Variants in C17orf78 observed in about 807,000 individuals in gnomAD.
C17orf78 encodes the protein uncharacterized protein C17orf78.
Under a neutral mutation model 31.8 loss-of-function variants are expected in C17orf78, and 27 were observed. That is an observed-to-expected ratio of 0.85 (90% CI 0.63 to 1.17). C17orf78 has a LOEUF of 1.17. Among genes scored for constraint, C17orf78 ranks in the 50% most tolerant of loss-of-function variants. The pLI, the probability that C17orf78 is intolerant of heterozygous loss-of-function variation, is 0.00. For missense variants in C17orf78, 258 were observed against 315.2 expected, an observed-to-expected ratio of 0.82 and a Z score of 1.37; for synonymous variants, 106 against 115.1, an observed-to-expected ratio of 0.92 and a Z score of 0.51.
Position 37,391,769 on chromosome 17 carries a change from T to C in C17orf78, c.*45T>C. The C allele has an allele frequency of 6.5e-7, 1 of 1,532,510 alleles. No homozygotes were observed. The highest frequency in any genetic ancestry group is 9.0e-7 in the Non-Finnish European group (1 of 1,107,776). 94.9% of individuals were successfully genotyped at this position (1,532,510 alleles called of 1,614,324 possible). On this transcript the variant is annotated 3_prime_UTR_variant, in exon 7 of 7. Coordinates refer to ENST00000615133, the MANE Select transcript of C17orf78 (RefSeq NM_173625.5). ...AAGACTGAATGATACTACACAGTCC[T>C]CTCCCTATTAATATGGGCACATTCT... is the stretch of plus-strand genomic sequence containing the variant.
chr17:37,389,233 T>G lies in C17orf78; in HGVS notation c.634-13T>G. ...GCCACTTCATATTAATACCAGTCATTTTCTCCCTTCAGTATCAATGCCTAG... is the reference window on the plus strand; with the variant it reads ...GCCACTTCATATTAATACCAGTCATGTTCTCCCTTCAGTATCAATGCCTAG... On this transcript the variant is annotated splice_polypyrimidine_tract_variant and intron_variant, in intron 5 of 6. Transcript: ENST00000615133. 6.4e-7 allele frequency: 1 copy of G among 1,567,930 alleles called. No individual in the cohort carries two copies. The highest frequency in any genetic ancestry group is 1.7e-4 in the Middle Eastern group (1 of 6,008).
Position 37,384,355 on chromosome 17 carries a change from C to T in C17orf78, c.392-1654C>T, listed in dbSNP as rs148709381. On this transcript the variant is annotated intron_variant, in intron 3 of 6. Transcript: ENST00000615133. ...TTAAGAAATTTGGAAAAGGAAAAGA[C>T]GGCTGTTATCAATATTTCAAAATTT... 7.4e-3 allele frequency among the ~76,000 whole-genome samples: 1,120 copies of T among 152,286 alleles called. 4 individuals are homozygous for T. The highest frequency in any genetic ancestry group is 0.011 in the Non-Finnish European group (729 of 68,030).
At chr17:37,390,330 A>ATATCTATATATATATATC (rs1555672373) in intron 6 of C17orf78, among the ~76,000 whole-genome samples, 4 of 41,592 alleles carry the variant, frequency 9.6e-5, no homozygotes, top group Non-Finnish European at 1.5e-4. Context: ...ATATATATAT[A>ATATCTATATATATATATC]TATAAAAGGC....
Position 37,379,211 on chromosome 17 carries a change from G to A in C17orf78, c.220G>A (p.Asp74Asn). 1 of 1,613,998 alleles carries A rather than the reference G, an allele frequency of 6.2e-7. No individual in the cohort carries two copies. Among genetic ancestry groups the A allele is most frequent in the Non-Finnish European group, 8.5e-7 (1 of 1,179,894 alleles). The change falls in exon 3 of 7, where the codon GAC becomes AAC. Residue 74 changes from aspartate (D) to asparagine (N), a missense_variant. Coordinates refer to ENST00000615133, the MANE Select transcript of C17orf78 (RefSeq NM_173625.5). ...AGCTACCCTGCAGTGCCTTGGCTCT[G>A]ACAGCAAAGTAAAAGTCAACCTTGT... ...TIATLQCLGS[D>N]SKVKVNLVYL... is the part of the protein sequence containing the mutation.
chr17:37,391,863 G>A lies in C17orf78; in HGVS notation c.*139G>A. On this transcript the variant is annotated 3_prime_UTR_variant, in exon 7 of 7. Coordinates refer to ENST00000615133, the MANE Select transcript of C17orf78 (RefSeq NM_173625.5). ...AACACCAATTCCTGGTTAATGAAGG[G>A]AGAGTGTGGGCTTAGCAGAGTTACC... The A allele has an allele frequency of 1.2e-6, 1 of 800,424 alleles. No individual in the cohort carries two copies. Among genetic ancestry groups the A allele is most frequent in the Non-Finnish European group, 2.1e-6 (1 of 481,362 alleles). 49.6% of individuals were successfully genotyped at this position (800,424 alleles called of 1,614,324 possible).
intron 4 of C17orf78, among the ~76,000 whole-genome samples, chr17:37,388,209 C>T (rs2050633845): frequency 6.6e-6 from 1 of 152,028 alleles, no homozygotes; most frequent in Non-Finnish European, 1.5e-5. Context: ...GACCCAGAAG[C>T]AGTGCTAATT....
chr17:37,385,697 T>G (rs1429460705), intron 3 of C17orf78, among the ~76,000 whole-genome samples: 1 of 152,170 alleles, frequency 6.6e-6, no homozygotes, highest in Non-Finnish European at 1.5e-5. Flanking sequence ...TCAACAGTTT[T>G]TATGGCCTTC....
chr17:37,390,314 A>ATATAT (rs1555672298), intron 6 of C17orf78, among the ~76,000 whole-genome samples: 5 of 38,684 alleles, frequency 1.3e-4, no homozygotes, highest in Non-Finnish European at 1.6e-4. Flanking sequence ...TTATATATAT[A>ATATAT]TATATATATA....
chr17:37,387,265 A>G (rs2050581766), intron 4 of C17orf78: 1 of 152,052 alleles, frequency 6.6e-6, no homozygotes, highest in Admixed American at 6.6e-5. Flanking sequence ...GATTACAGGC[A>G]TGCACCACCA....
chr17:37,390,748 G>T (rs1331380309), intron 6 of C17orf78, among the ~76,000 whole-genome samples: 1 of 149,922 alleles, frequency 6.7e-6, no homozygotes, highest in African/African-American at 2.5e-5. Flanking sequence ...AGCTATGATC[G>T]AGCCACTGCA....
intron 1 of C17orf78, among the ~76,000 whole-genome samples, chr17:37,377,202 G>A (rs1416224374): frequency 6.6e-6 from 1 of 152,068 alleles, no homozygotes; most frequent in Non-Finnish European, 1.5e-5. Flanking sequence ...GGAGGGAGAA[G>A]AGAAAATAAG....
chr17:37,389,132 G>A, intron 5 of C17orf78, 114 bp from the exon 6 acceptor site: 1 of 1,346,918 alleles, frequency 7.4e-7, no homozygotes, highest in East Asian at 2.5e-5. Context: ...CAATAGGACT[G>A]AATATTTTAT....
At chr17:37,386,316 G>A (rs2050527424) in intron 4 of C17orf78, among the ~76,000 whole-genome samples, 191 bp downstream of exon 4, 1 of 152,078 alleles carries the variant, frequency 6.6e-6, no homozygotes, top group Non-Finnish European at 1.5e-5. Flanking sequence ...TCTAGGCCGG[G>A]TGCTGTGGCT....
intron 4 of C17orf78, chr17:37,387,784 G>A (rs1456529911): frequency 2.0e-5 from 3 of 151,988 alleles, no homozygotes; most frequent in African/African-American, 7.3e-5. Flanking sequence ...TCCTTAAATT[G>A]GCCAGGACTA....
chr17:37,388,042 G>C (rs370858945), intron 4 of C17orf78: 8 of 152,292 alleles, frequency 5.3e-5, no homozygotes, highest in African/African-American at 1.9e-4. Flanking sequence ...GCGTTCGCCT[G>C]TGGTCTGAGC....
intron 3 of C17orf78, among the ~76,000 whole-genome samples, chr17:37,383,738 T>G (rs1177254933): frequency 1.3e-5 from 2 of 152,106 alleles, no homozygotes; most frequent in Non-Finnish European, 2.9e-5. Flanking sequence ...GAGATAGGGT[T>G]TTGCCATTTT....
chr17:37,388,944 G>C (rs2147788947), intron 5 of C17orf78, 150 bp downstream of exon 5: 1 of 1,104,648 alleles, frequency 9.1e-7, no homozygotes, highest in Non-Finnish European at 1.3e-6. Context: ...TGTTGGGAAA[G>C]TTGCTTGACT....
At chr17:37,376,819 G>A (rs1005740878) in intron 1 of C17orf78, among the ~76,000 whole-genome samples, 12 of 152,110 alleles carry the variant, frequency 7.9e-5, no homozygotes, top group African/African-American at 2.9e-4. Flanking sequence ...GCCAGGCATG[G>A]TGGCATGCAC....
chr17:37,391,653 C>G lies in C17orf78; in HGVS notation c.757C>G (p.Gln253Glu). The G allele has an allele frequency of 6.2e-7, 1 of 1,613,684 alleles. No individual in the cohort carries two copies. Among genetic ancestry groups the G allele is most frequent in the Non-Finnish European group, 8.5e-7 (1 of 1,179,656 alleles). ...ATTTCCTTTCAATCTCTAGGTTGGA[C>G]AAGATGCTGCCAATTCATCAAACCC... ...KPDSQPQKVG[Q>E]DAANSSNPKK... The change falls in exon 7 of 7, where the codon CAA becomes GAA. Residue 253 changes from glutamine (Q) to glutamate (E), a missense_variant. Transcript: ENST00000615133.
Sources: gnomAD v4.1 joint callset for allele counts (sites outside exome capture counted in the v4.1 genomes callset) on GRCh38, gnomAD v4.1.1 for gene constraint, MANE v1.5 for transcripts, NCBI Gene and HGNC (gene_info 2026-07-23, HGNC 2026-07-21) for gene names.